MPP3: variants seen among roughly 807,000 people sequenced by gnomAD.
MPP3 encodes MAGUK p55 scaffold protein 3, also known as MAGUK p55 subfamily member 3.
A neutral mutation model predicts 80.7 loss-of-function variants in MPP3; 48 were observed. The ratio of observed to expected loss-of-function variants is 0.59; its 90% confidence interval spans 0.47 to 0.76. The LOEUF (loss-of-function observed/expected upper bound fraction) is 0.76. Ranked by LOEUF, MPP3 falls within the 30% of genes least tolerant of loss-of-function variation. The pLI, the probability that MPP3 is intolerant of heterozygous loss-of-function variation, is 0.00. For missense variants in MPP3, 620 were observed against 763.0 expected (o/e 0.81, Z 2.21); for synonymous variants, 311 against 297.6 (o/e 1.04, Z -0.46).
intron 8 of MPP3, among the ~76,000 whole-genome samples, chr17:43,827,329 CT>C (rs1197926220): frequency 6.8e-4 from 67 of 98,990 alleles, no homozygotes; most frequent in Admixed American, 1.4e-3. Flanking sequence ...TTTTTTTTTT[CT>C]TTTTTTTTTT....
Position 43,806,338 on chromosome 17 carries a change from G to C in MPP3, c.1581+2618C>G, listed in dbSNP as rs9905238. On this transcript the variant is annotated intron_variant, in intron 19 of 19. Coordinates refer to ENST00000398389, the MANE Select transcript of MPP3 (RefSeq NM_001932.6). ...CTGCCACCACGCCCAGCTAATTTTTGTATTTTTAGTAGAGACGGGGTTTCA... is the reference window on the plus strand; with the variant it reads ...CTGCCACCACGCCCAGCTAATTTTTCTATTTTTAGTAGAGACGGGGTTTCA... Among the ~76,000 whole-genome samples, 660 of 151,482 alleles carry C rather than the reference G, an allele frequency of 4.4e-3. 5 individuals carry two copies. Among genetic ancestry groups the C allele is most frequent in the African/African-American group, 0.014 (568 of 41,264 alleles).
intron 2 of MPP3, 39 bp downstream of exon 2, chr17:43,832,722 T>TCCGCC (rs930551255): frequency 2.6e-4 from 39 of 152,220 alleles, no homozygotes; most frequent in Middle Eastern, 3.4e-3. Context: ...CCCTCCAGCC[T>TCCGCC]CCGCCCCGCC....
At chr17:43,824,491 C>T (rs1264866324) in intron 9 of MPP3, among the ~76,000 whole-genome samples, 2 of 152,196 alleles carry the variant, frequency 1.3e-5, no homozygotes, top group Non-Finnish European at 2.9e-5. Context: ...TCCATCTCCC[C>T]AGTCTCAGGC....
chr17:43,826,899 A>C (rs912107740), intron 8 of MPP3, among the ~76,000 whole-genome samples: 2 of 150,176 alleles, frequency 1.3e-5, no homozygotes, highest in African/African-American at 4.9e-5. Context: ...GTAGTGGTGT[A>C]ATCACGGCTC....
At chr17:43,811,353 A>G (rs1422162247) in intron 16 of MPP3, 148 bp from the exon 17 acceptor site, 1 of 631,138 alleles carries the variant, frequency 1.6e-6, no homozygotes, top group Admixed American at 2.7e-5. Context: ...TGTATCAGGC[A>G]CTGTGCCTTT....
chr17:43,809,754 C>T (rs1040287504), intron 18 of MPP3, among the ~76,000 whole-genome samples: 2 of 152,092 alleles, frequency 1.3e-5, no homozygotes, highest in African/African-American at 2.4e-5. Flanking sequence ...TGGCGGGCAC[C>T]TGTAGTCCCA....
chr17:43,820,584 C>CT (rs892962125), intron 11 of MPP3, among the ~76,000 whole-genome samples: 1 of 110,910 alleles, frequency 9.0e-6, no homozygotes, highest in Non-Finnish European at 2.0e-5. Flanking sequence ...GAGGGAGACT[C>CT]TGTCTCAAAA....
At chr17:43,806,205 G>A (rs376727002) in intron 19 of MPP3, among the ~76,000 whole-genome samples, 13 of 151,616 alleles carry the variant, frequency 8.6e-5, no homozygotes, top group Middle Eastern at 3.4e-3. Flanking sequence ...TTGCTCTGTC[G>A]CCCAGGCTGA....
intron 16 of MPP3, 37 bp from the exon 17 acceptor site, chr17:43,811,242 T>G: frequency 1.3e-6 from 2 of 1,526,448 alleles, no homozygotes; most frequent in Non-Finnish European, 1.8e-6. Flanking sequence ...CAAAGAGATG[T>G]CACATCACAG....
At chr17:43,803,510 C>A (rs919412222) in intron 19 of MPP3, among the ~76,000 whole-genome samples, 1 of 152,118 alleles carries the variant, frequency 6.6e-6, no homozygotes, top group African/African-American at 2.4e-5. Context: ...GTCCGTCACC[C>A]CCAGGTTGGA....
intron 6 of MPP3, 68 bp from the exon 7 acceptor site, chr17:43,829,859 C>A (rs565139749): frequency 6.2e-7 from 1 of 1,606,572 alleles, no homozygotes; most frequent in Non-Finnish European, 8.5e-7. Context: ...CGCAGCTGGC[C>A]GGTGGTATGG....
intron 13 of MPP3, 76 bp from the exon 14 acceptor site, chr17:43,816,155 T>C (rs2045120004): frequency 7.5e-7 from 1 of 1,340,386 alleles, no homozygotes; most frequent in South Asian, 1.5e-5. Context: ...AGCCCCTGGA[T>C]GGCCAGGCAG....
rs2045153636 is a variant in MPP3, at chr17:43,816,666, A to G, written c.967+11T>C. 1 of 1,572,850 alleles carries G rather than the reference A, an allele frequency of 6.4e-7. No homozygotes were observed. Among genetic ancestry groups the G allele is most frequent in the Non-Finnish European group, 8.6e-7 (1 of 1,158,398 alleles). On this transcript the variant is annotated intron_variant, in intron 13 of 19. Transcript: ENST00000398389. The stretch of plus-strand genomic sequence containing the variant: ...CCACGCCTGTGGACAGCGGATAGAT[A>G]CTGGGCCTACCTTTGTCACAAGGCT...
chr17:43,811,351 GCACTGTGCCTTTCCAGGCAGGCGTAT>G, intron 16 of MPP3, 146 bp from the exon 17 acceptor site: 1 of 632,866 alleles, frequency 1.6e-6, no homozygotes, highest in South Asian at 1.9e-5. Flanking sequence ...CCTGTATCAG[GCACTGTGCCTTTCCAGGCAGGCGTAT>G]CACTGATTCA....
At chr17:43,826,539 G>A (rs957140223) in intron 8 of MPP3, among the ~76,000 whole-genome samples, 1 of 152,152 alleles carries the variant, frequency 6.6e-6, no homozygotes, top group Admixed American at 6.5e-5. Context: ...CCAGACTTTG[G>A]GGGTAACATC....
intron 10 of MPP3, 55 bp from the exon 11 acceptor site, chr17:43,821,113 T>C: frequency 1.0e-5 from 16 of 1,559,158 alleles, no homozygotes; most frequent in Non-Finnish European, 1.4e-5. Flanking sequence ...CACAGACAGG[T>C]CATTGTCACA....
chr17:43,818,380 A>G (rs955253247), intron 11 of MPP3, among the ~76,000 whole-genome samples: 1 of 152,186 alleles, frequency 6.6e-6, no homozygotes, highest in Non-Finnish European at 1.5e-5. Context: ...AGCCCGGTGT[A>G]CAATCCTCAG....
At position 43,823,985 on chromosome 17, in the gene MPP3, G is replaced by T. The variant is rs1176583356; in HGVS notation, c.630C>A (p.Ile210=). Residue 210 remains isoleucine, a synonymous_variant, in exon 10 of 20, where the codon ATC becomes ATA. Transcript: ENST00000398389. ...SQILAQSQGS[I]TLKIIPATQE... ...GGGTGGCTGGGATGATTTTTAGGGT[G>T]ATGGATCCCTGGGACTGGGCCTGAA... 1 of 1,607,788 alleles carries T rather than the reference G, an allele frequency of 6.2e-7. No individual in the cohort carries two copies.
chr17:43,817,726 C>A (rs943640377), intron 12 of MPP3, among the ~76,000 whole-genome samples: 1 of 152,180 alleles, frequency 6.6e-6, no homozygotes, highest in Non-Finnish European at 1.5e-5. Flanking sequence ...GGTCAGAGAG[C>A]CCTTGGGAAT....
Sources: gnomAD v4.1 joint callset for allele counts (sites outside exome capture counted in the v4.1 genomes callset) on GRCh38, gnomAD v4.1.1 for gene constraint, MANE v1.5 for transcripts, NCBI Gene and HGNC (gene_info 2026-07-23, HGNC 2026-07-21) for gene names.